GALNT17: variants seen among roughly 807,000 people sequenced by gnomAD.
GALNT17 encodes polypeptide N-acetylgalactosaminyltransferase 17, also known as UDP-GalNAc:polypeptide N-acetylgalactosaminyltransferase-like 3.
GALNT17 carries 29 observed loss-of-function variants against 63.7 expected under a neutral mutation model. The observed-to-expected ratio is 0.46, with a 90% CI of 0.34 to 0.62. GALNT17 has a LOEUF of 0.62. GALNT17 is among the 20% of genes least tolerant of loss of function. The pLI, the probability that GALNT17 is intolerant of heterozygous loss-of-function variation, is 0.01. For missense variants in GALNT17, 603 were observed against 799.6 expected (o/e 0.75, Z 2.97); for synonymous variants, 305 against 318.3 (o/e 0.96, Z 0.45).
At chr7:71,294,168 A>AG (rs910256614) in intron 1 of GALNT17, among the ~76,000 whole-genome samples, 1 of 151,570 alleles carries the variant, frequency 6.6e-6, no homozygotes, top group African/African-American at 2.4e-5. Flanking sequence ...TCTCAAAAAA[A>AG]AAAAAAATTC....
intron 5 of GALNT17, among the ~76,000 whole-genome samples, chr7:71,526,818 A>T (rs565005528): frequency 6.6e-6 from 1 of 152,258 alleles, no homozygotes; most frequent in Admixed American, 6.6e-5. Context: ...CTGGCCAATT[A>T]CGTGTGATTT....
At chr7:71,626,240 C>CA (rs35227157) in intron 6 of GALNT17, among the ~76,000 whole-genome samples, 73,201 of 136,554 alleles carry the variant, frequency 0.54, 21,511 homozygotes, top group South Asian at 0.75. Flanking sequence ...AAGATTCTGT[C>CA]AAAAAAAAAA....
intron 5 of GALNT17, among the ~76,000 whole-genome samples, chr7:71,472,710 C>A (rs961300072): frequency 8.5e-5 from 13 of 152,164 alleles, no homozygotes; most frequent in East Asian, 3.9e-4. Flanking sequence ...CTAAACTAAA[C>A]TAAAATAAAT....
chr7:71,457,886 T>G (rs1480811000), intron 5 of GALNT17, among the ~76,000 whole-genome samples: 1 of 152,222 alleles, frequency 6.6e-6, no homozygotes, highest in Non-Finnish European at 1.5e-5. Flanking sequence ...ACCCAGCTCC[T>G]TTTCAAGATG....
chr7:71,409,017 AACACACACAC>A (rs10674037), intron 3 of GALNT17, among the ~76,000 whole-genome samples: 24 of 144,944 alleles, frequency 1.7e-4, no homozygotes, highest in South Asian at 4.5e-4. Context: ...CACATACACA[AACACACACAC>A]ACACACACAC....
chr7:71,259,892 C>G (rs184584928), intron 1 of GALNT17, among the ~76,000 whole-genome samples: 1 of 151,958 alleles, frequency 6.6e-6, no homozygotes, highest in African/African-American at 2.4e-5. Context: ...CCACCCGCCT[C>G]GGCCTCCCAA....
chr7:71,678,476 G>A lies in GALNT17; in HGVS notation c.1500+1170G>A, dbSNP rs146611511. ...AATTATCACCTGAGGTCAGGAGTTC[G>A]AGACCAGCCTGGACAACATGGCAAA... is the stretch of plus-strand genomic sequence containing the variant. On this transcript the variant is annotated intron_variant, in intron 9 of 10. Coordinates refer to ENST00000333538, the MANE Select transcript of GALNT17 (RefSeq NM_022479.3). 9.1e-3 allele frequency among the ~76,000 whole-genome samples: 1,379 copies of A among 151,752 alleles called. 20 individuals carry two copies. The highest frequency in any genetic ancestry group is 0.032 in the African/African-American group (1,318 of 41,430).
chr7:71,258,890 G>A (rs1213612786), intron 1 of GALNT17, among the ~76,000 whole-genome samples: 1 of 140,008 alleles, frequency 7.1e-6, no homozygotes, highest in Non-Finnish European at 1.6e-5. Context: ...GAAAGTAAGT[G>A]AAGGAGTGGG....
chr7:71,243,379 C>A (rs73190455), intron 1 of GALNT17, among the ~76,000 whole-genome samples: 1 of 151,984 alleles, frequency 6.6e-6, no homozygotes, highest in South Asian at 2.1e-4. Flanking sequence ...TATGGCAGTG[C>A]GAAAATAGAC....
chr7:71,229,006 G>A (rs1336900488), intron 1 of GALNT17, among the ~76,000 whole-genome samples: 1 of 152,160 alleles, frequency 6.6e-6, no homozygotes, highest in Non-Finnish European at 1.5e-5. Flanking sequence ...CCAGGGCTGG[G>A]GCTTGGTTCT....
intron 1 of GALNT17, among the ~76,000 whole-genome samples, chr7:71,213,805 T>C (rs1416135236): frequency 6.6e-6 from 1 of 152,238 alleles, no homozygotes; most frequent in Non-Finnish European, 1.5e-5. Flanking sequence ...AACTGCAAAA[T>C]CCTGGCCATT....
At chr7:71,318,621 G>A (rs770435423) in intron 1 of GALNT17, among the ~76,000 whole-genome samples, 4 of 151,850 alleles carry the variant, frequency 2.6e-5, no homozygotes, top group East Asian at 1.9e-4. Context: ...GTAGAGACAG[G>A]GTTTCACCAT....
chr7:71,255,959 A>T (rs1661250916), intron 1 of GALNT17, among the ~76,000 whole-genome samples: 1 of 152,268 alleles, frequency 6.6e-6, no homozygotes, highest in African/African-American at 2.4e-5. Context: ...ATACCTCATT[A>T]TACCCTTCTG....
chr7:71,452,799 C>G (rs1479683564), intron 5 of GALNT17, among the ~76,000 whole-genome samples: 1 of 152,158 alleles, frequency 6.6e-6, no homozygotes, highest in Non-Finnish European at 1.5e-5. Flanking sequence ...CCCAGAGGCT[C>G]TGGAGCAAGA....
intron 1 of GALNT17, 32 bp downstream of exon 1, chr7:71,133,072 G>A: frequency 1.3e-6 from 2 of 1,499,356 alleles, no homozygotes; most frequent in African/African-American, 1.4e-5. Context: ...TCCGGGGCTC[G>A]ACGCGGGCGG....
At chr7:71,350,881 C>T (rs890508737) in intron 2 of GALNT17, among the ~76,000 whole-genome samples, 7 of 152,232 alleles carry the variant, frequency 4.6e-5, no homozygotes, top group African/African-American at 1.7e-4. Flanking sequence ...TGAGTCATGC[C>T]TGTAATCCCA....
chr7:71,294,815 G>A (rs1321612429), intron 1 of GALNT17, among the ~76,000 whole-genome samples: 1 of 152,108 alleles, frequency 6.6e-6, no homozygotes, highest in Non-Finnish European at 1.5e-5. Flanking sequence ...AACCTGACCA[G>A]TTTAAAGATG....
intron 3 of GALNT17, among the ~76,000 whole-genome samples, chr7:71,396,060 G>T (rs1793134659): frequency 6.6e-6 from 1 of 151,972 alleles, no homozygotes; most frequent in African/African-American, 2.4e-5. Context: ...CTCTTTCTGT[G>T]GGTTGTCTTT....
chr7:71,679,906 CTCCCTCCT>C (rs1225571242), intron 9 of GALNT17, among the ~76,000 whole-genome samples: 1 of 80,842 alleles, frequency 1.2e-5, no homozygotes, highest in African/African-American at 5.0e-5. Context: ...CCCTCCCTCC[CTCCCTCCT>C]TCTCTCCCTT....
Sources: gnomAD v4.1 joint callset for allele counts (sites outside exome capture counted in the v4.1 genomes callset) on GRCh38, gnomAD v4.1.1 for gene constraint, MANE v1.5 for transcripts, NCBI Gene and HGNC (gene_info 2026-07-23, HGNC 2026-07-21) for gene names.